UNC5D: variants seen among roughly 807,000 people sequenced by gnomAD.
UNC5D encodes the protein netrin receptor UNC5D.
Under a neutral mutation model 105.4 loss-of-function variants are expected in UNC5D, and 39 were observed. The observed-to-expected ratio is 0.37, with a 90% CI of 0.29 to 0.48. UNC5D has a LOEUF of 0.48. UNC5D is among the 20% of genes least tolerant of loss of function. The pLI is 0.98. For synonymous variants in UNC5D, 452 were observed against 450.4 expected (o/e 1.00, Z -0.04); for missense variants, 991 against 1,202.4 (o/e 0.82, Z 2.60).
chr8:35,771,905 G>T (rs1802027714), intron 15 of UNC5D, among the ~76,000 whole-genome samples: 1 of 152,174 alleles, frequency 6.6e-6, no homozygotes, highest in Non-Finnish European at 1.5e-5. Flanking sequence ...CATAACTTCT[G>T]TGGAGTCTAT....
chr8:35,438,063 T>G (rs1807141396), intron 1 of UNC5D, among the ~76,000 whole-genome samples: 1 of 151,902 alleles, frequency 6.6e-6, no homozygotes, highest in South Asian at 2.1e-4. Context: ...TAAATCTATT[T>G]GGAAGCCACC....
At chr8:35,717,102 C>A (rs746994981) in intron 8 of UNC5D, among the ~76,000 whole-genome samples, 1 of 152,194 alleles carries the variant, frequency 6.6e-6, no homozygotes, top group African/African-American at 2.4e-5. Context: ...CTTAGTAATT[C>A]ACTTCCTCTT....
intron 1 of UNC5D, among the ~76,000 whole-genome samples, chr8:35,356,388 T>C (rs567959534): frequency 3.0e-4 from 46 of 152,242 alleles, no homozygotes; most frequent in African/African-American, 1.1e-3. Flanking sequence ...CCTCTGGGCA[T>C]CCAACTGGGT....
intron 1 of UNC5D, among the ~76,000 whole-genome samples, chr8:35,542,085 C>T (rs984994414): frequency 2.0e-5 from 3 of 152,076 alleles, no homozygotes; most frequent in Admixed American, 6.6e-5. Flanking sequence ...ATGATGCAAA[C>T]GCAATGATAT....
intron 1 of UNC5D, among the ~76,000 whole-genome samples, chr8:35,243,758 C>T (rs1486064062): frequency 6.6e-6 from 1 of 152,112 alleles, no homozygotes; most frequent in Non-Finnish European, 1.5e-5. Flanking sequence ...GTGTCAGGCC[C>T]CTCTGCCTTT....
intron 3 of UNC5D, among the ~76,000 whole-genome samples, chr8:35,579,379 T>C (rs1818323794): frequency 6.6e-6 from 1 of 152,150 alleles, no homozygotes; most frequent in African/African-American, 2.4e-5. Context: ...ATTAATAAAA[T>C]ATTGTCCATT....
intron 1 of UNC5D, among the ~76,000 whole-genome samples, chr8:35,428,626 C>CT (rs1392066489): frequency 6.6e-6 from 1 of 152,082 alleles, no homozygotes; most frequent in Non-Finnish European, 1.5e-5. Flanking sequence ...CACACTCTCA[C>CT]TTCCCCATAA....
chr8:35,604,452 C>A (rs565020685), intron 4 of UNC5D, among the ~76,000 whole-genome samples: 2 of 152,128 alleles, frequency 1.3e-5, no homozygotes, highest in Non-Finnish European at 2.9e-5. Flanking sequence ...GGTAACCCGA[C>A]CTTTCTCTCT....
At chr8:35,309,348 C>A (rs765074496) in intron 1 of UNC5D, among the ~76,000 whole-genome samples, 1 of 152,142 alleles carries the variant, frequency 6.6e-6, no homozygotes, top group Non-Finnish European at 1.5e-5. Flanking sequence ...GAGAGTTAAG[C>A]CCCGCATTAG....
chr8:35,607,231 G>A (rs975548224), intron 4 of UNC5D, among the ~76,000 whole-genome samples: 4 of 152,134 alleles, frequency 2.6e-5, no homozygotes, highest in African/African-American at 7.2e-5. Flanking sequence ...CAGAAAGCAC[G>A]TTTTCTTTTC....
rs182039446 is a variant in UNC5D, at chr8:35,545,577, A to C, written c.104-3715A>C. ...GAATGAGAGCCTGACCCAGTGTGGA[A>C]CTTGGAGTGTGGGAAGGCAGGGCGG... On this transcript the variant is annotated intron_variant, in intron 1 of 16. Coordinates refer to ENST00000404895, the MANE Select transcript of UNC5D (RefSeq NM_080872.4). Among the ~76,000 whole-genome samples the C allele has an allele frequency of 1.4e-3, 219 of 152,114 alleles. 1 individual carries two copies. Among genetic ancestry groups the C allele is most frequent in the African/African-American group, 4.8e-3 (200 of 41,506 alleles).
chr8:35,511,190 C>A (rs941082779), intron 1 of UNC5D, among the ~76,000 whole-genome samples: 2 of 152,100 alleles, frequency 1.3e-5, no homozygotes, highest in Non-Finnish European at 2.9e-5. Context: ...GCTGTGAAAT[C>A]CTGAGATGCC....
In UNC5D at chr8:35,335,756, A is replaced by ATTTTTTTT. The variant is rs35774459; in HGVS notation, c.103+99887_103+99894dup. On this transcript the variant is annotated intron_variant, in intron 1 of 16. Transcript: ENST00000404895. ...GGATAGAATGAAATGAGAGATTGCA[A>ATTTTTTTT]TTTTTTTTTTTTTTTTTTTTTTTTT... Among the ~76,000 whole-genome samples, 159 of 90,458 alleles carry ATTTTTTTT rather than the reference A, an allele frequency of 1.8e-3. 10 individuals carry two copies. Among genetic ancestry groups the ATTTTTTTT allele is most frequent in the African/African-American group, 6.4e-3 (145 of 22,674 alleles). The allele number at this position is 90,458 out of a possible 152,430, so 59.3% of individuals were successfully genotyped here.
intron 11 of UNC5D, among the ~76,000 whole-genome samples, chr8:35,732,823 T>A (rs1014244360): frequency 1.3e-5 from 2 of 152,088 alleles, no homozygotes; most frequent in African/African-American, 4.8e-5. Flanking sequence ...CTTAGGGCAA[T>A]TTCGCATTTT....
intron 1 of UNC5D, among the ~76,000 whole-genome samples, chr8:35,404,231 A>G (rs917304217): frequency 6.6e-6 from 1 of 152,186 alleles, no homozygotes; most frequent in Non-Finnish European, 1.5e-5. Context: ...TTTGCCCAGC[A>G]TGGTTAGAAA....
At chr8:35,523,342 C>A (rs1048174354) in intron 1 of UNC5D, among the ~76,000 whole-genome samples, 2 of 152,080 alleles carry the variant, frequency 1.3e-5, no homozygotes, top group African/African-American at 4.8e-5. Context: ...TTCGACCTCC[C>A]AAAGTGCTAG....
intron 1 of UNC5D, among the ~76,000 whole-genome samples, chr8:35,289,811 T>G (rs956879368): frequency 2.6e-5 from 4 of 152,102 alleles, no homozygotes; most frequent in Admixed American, 1.3e-4. Context: ...TGCAAATCAT[T>G]AGAAAAATCG....
chr8:35,284,706 C>A (rs1806461026), intron 1 of UNC5D, among the ~76,000 whole-genome samples: 1 of 152,184 alleles, frequency 6.6e-6, no homozygotes, highest in Middle Eastern at 3.4e-3. Context: ...AGGCACCCAC[C>A]ACCACACCCA....
At chr8:35,520,351 G>A (rs1477787268) in intron 1 of UNC5D, among the ~76,000 whole-genome samples, 1 of 152,034 alleles carries the variant, frequency 6.6e-6, no homozygotes, top group Non-Finnish European at 1.5e-5. Context: ...AAATACCCAA[G>A]GTAGGCAAAT....
Sources: gnomAD v4.1 joint callset for allele counts (sites outside exome capture counted in the v4.1 genomes callset) on GRCh38, gnomAD v4.1.1 for gene constraint, MANE v1.5 for transcripts, NCBI Gene and HGNC (gene_info 2026-07-23, HGNC 2026-07-21) for gene names.